Variants in FLI1 observed in about 807,000 individuals in gnomAD.
The protein encoded by FLI1 is Friend leukemia integration 1 transcription factor.
A neutral mutation model predicts 53.1 loss-of-function variants in FLI1; 13 were observed. The observed-to-expected ratio is 0.24, with a 90% CI of 0.16 to 0.39. FLI1 has a LOEUF of 0.39. FLI1 is among the 10% of genes least tolerant of loss of function. The pLI is 1.00. For synonymous variants in FLI1, 244 were observed against 236.7 expected (o/e 1.03, Z -0.28); for missense variants, 424 against 600.5 (o/e 0.71, Z 3.07).
chr11:128,768,707 A>T (rs1941445932), intron 3 of FLI1, among the ~76,000 whole-genome samples: 1 of 151,678 alleles, frequency 6.6e-6, no homozygotes, highest in Non-Finnish European at 1.5e-5. Context: ...AAAAAAAAAA[A>T]AAAAGCTGCA....
intron 3 of FLI1, among the ~76,000 whole-genome samples, chr11:128,771,237 G>T (rs1251992788): frequency 6.6e-6 from 1 of 152,250 alleles, no homozygotes; most frequent in Non-Finnish European, 1.5e-5. Context: ...TTGTTGGAAT[G>T]ACATTCAGCA....
At chr11:128,750,328 G>T (rs890506049) in intron 1 of FLI1, among the ~76,000 whole-genome samples, 1 of 152,196 alleles carries the variant, frequency 6.6e-6, no homozygotes, top group Non-Finnish European at 1.5e-5. Context: ...AAAGGAATGG[G>T]AAGGACACAA....
chr11:128,752,036 C>T (rs376927071), intron 1 of FLI1, among the ~76,000 whole-genome samples: 3 of 150,776 alleles, frequency 2.0e-5, no homozygotes, highest in African/African-American at 7.3e-5. Flanking sequence ...AGTGCTGTGC[C>T]GCTACATCGG....
chr11:128,745,043 G>C (rs1244791596), intron 1 of FLI1, among the ~76,000 whole-genome samples: 1 of 152,168 alleles, frequency 6.6e-6, no homozygotes. Flanking sequence ...AGGCAGAGAA[G>C]ACAGGGAGGC....
chr11:128,797,624 C>T (rs760028548), intron 5 of FLI1, among the ~76,000 whole-genome samples: 20 of 152,156 alleles, frequency 1.3e-4, no homozygotes, highest in Non-Finnish European at 2.4e-4. Context: ...AGAGGAAGGA[C>T]GTTTGTCTAG....
chr11:128,704,355 TG>T (rs1055204463), intron 1 of FLI1, among the ~76,000 whole-genome samples: 3 of 152,148 alleles, frequency 2.0e-5, no homozygotes, highest in African/African-American at 4.8e-5. Flanking sequence ...CCGAGCTGGT[TG>T]TTTTTATTGC....
chr11:128,707,185 A>G (rs192490540), intron 1 of FLI1, among the ~76,000 whole-genome samples: 2 of 152,298 alleles, frequency 1.3e-5, no homozygotes, highest in East Asian at 3.9e-4. Flanking sequence ...TACTCTGTCA[A>G]TAGCCCTGTA....
chr11:128,801,652 C>T (rs1266907698), intron 5 of FLI1, among the ~76,000 whole-genome samples: 1 of 152,120 alleles, frequency 6.6e-6, no homozygotes, highest in Non-Finnish European at 1.5e-5. Flanking sequence ...GGCTTAATTT[C>T]GTGAAGAAGT....
intron 1 of FLI1, among the ~76,000 whole-genome samples, chr11:128,701,959 C>T (rs1021828595): frequency 1.3e-5 from 2 of 152,142 alleles, no homozygotes; most frequent in South Asian, 2.1e-4. Context: ...GGAAAGGAAT[C>T]GGAGAGTGAG....
intron 4 of FLI1, among the ~76,000 whole-genome samples, chr11:128,781,528 C>G (rs982111423): frequency 3.9e-5 from 6 of 152,186 alleles, no homozygotes; most frequent in African/African-American, 1.4e-4. Flanking sequence ...AACCTCTGCT[C>G]TAGTTCAAGA....
chr11:128,733,098 T>C (rs56288847), intron 1 of FLI1, among the ~76,000 whole-genome samples: 3,994 of 152,234 alleles, frequency 0.026, 173 homozygotes, highest in African/African-American at 0.092. Context: ...AATATACTAA[T>C]GGAGATCCTG....
At chr11:128,727,785 G>GGAA (rs1939540604) in intron 1 of FLI1, among the ~76,000 whole-genome samples, 2 of 152,166 alleles carry the variant, frequency 1.3e-5, no homozygotes, top group Admixed American at 1.3e-4. Flanking sequence ...AACCTCATGA[G>GGAA]CCAGTTCCAG....
rs559253959 is a variant in FLI1 at position 128,714,015 on chromosome 11, T to C, written c.18+19739T>C. ...AGAATACTGTGAGAGGACAATTACC[T>C]TAGAAGGCATTATCAGACTAATGTT... On this transcript the variant is annotated intron_variant, in intron 1 of 8. Transcript: ENST00000527786. Among the ~76,000 whole-genome samples, 194 of 152,256 alleles carry C rather than the reference T, an allele frequency of 1.3e-3. 1 individual carries two copies. The highest frequency in any genetic ancestry group is 4.5e-3 in the African/African-American group (189 of 41,542).
rs56212034 is a variant in FLI1, at chr11:128,748,132, G to A, written c.19-9983G>A. ...TTACAGGGTACAGTCCTGGGAGGAT[G>A]CAGAGATCCTCTTCTCTGTGCTCAC... is the stretch of plus-strand genomic sequence containing the variant. On this transcript the variant is annotated intron_variant, in intron 1 of 8. Coordinates refer to ENST00000527786, the MANE Select transcript of FLI1 (RefSeq NM_002017.5). The A allele has an allele frequency of 3.2e-3, 974 of 305,750 alleles. 6 individuals are homozygous for A. The highest frequency in any genetic ancestry group is 0.021 in the African/African-American group (930 of 44,352). 18.9% of individuals were successfully genotyped at this position (305,750 alleles called of 1,614,324 possible).
intron 1 of FLI1, among the ~76,000 whole-genome samples, chr11:128,720,022 G>T (rs1236858922): frequency 6.6e-6 from 1 of 152,100 alleles, no homozygotes; most frequent in East Asian, 1.9e-4. Context: ...AAAACGTATA[G>T]AAAATTTCAA....
rs1200498359 is a variant in FLI1 at position 128,758,426 on chromosome 11, C to T, written c.230+100C>T. 5 of 945,314 alleles carry T rather than the reference C, an allele frequency of 5.3e-6. No homozygotes were observed. The East Asian group carries it at 1.3e-4, about 25-fold the overall frequency. 58.6% of individuals were successfully genotyped at this position (945,314 alleles called of 1,614,324 possible). A position where few individuals can be genotyped will look rare whatever the true frequency, so the allele number is the denominator to read the frequency against. ...CTTAAGGTTTTTGCAGCAGATGGGG[C>T]TCTAGAGCTGGGCCAGGAAGCCTGT... On this transcript the variant is annotated intron_variant, in intron 2 of 8. Coordinates refer to ENST00000527786, the MANE Select transcript of FLI1 (RefSeq NM_002017.5).
rs564077243 is a variant in FLI1, at chr11:128,771,652, A to G, written c.386-1130A>G. 7.4e-4 allele frequency among the ~76,000 whole-genome samples: 113 copies of G among 152,340 alleles called. 1 individual carries two copies. Among genetic ancestry groups the G allele is most frequent in the Non-Finnish European group, 1.5e-3 (100 of 68,026 alleles). ...GCCTAATAAATATGTTAAATCAAACAGGCTCATTAGAAGCCGGAGGCTAAT... is the reference window on the plus strand; with the variant it reads ...GCCTAATAAATATGTTAAATCAAACGGGCTCATTAGAAGCCGGAGGCTAAT... On this transcript the variant is annotated intron_variant, in intron 3 of 8. Coordinates refer to ENST00000527786, the MANE Select transcript of FLI1 (RefSeq NM_002017.5).
At chr11:128,739,860 G>A (rs1940061682) in intron 1 of FLI1, among the ~76,000 whole-genome samples, 1 of 152,120 alleles carries the variant, frequency 6.6e-6, no homozygotes, top group African/African-American at 2.4e-5. Context: ...AGACAGATGT[G>A]GCCTTAATTG....
intron 2 of FLI1, chr11:128,764,618 C>T (rs894185621): frequency 2.0e-6 from 3 of 1,527,644 alleles, no homozygotes; most frequent in Non-Finnish European, 2.6e-6. Flanking sequence ...CGCACTCCCC[C>T]TCCCTCTTGT....
Sources: allele counts gnomAD v4.1 joint callset (sites outside exome capture counted in the v4.1 genomes callset), GRCh38; gene constraint gnomAD v4.1.1; transcripts MANE v1.5; gene names NCBI Gene and HGNC (gene_info 2026-07-23, HGNC 2026-07-21).